The following SLC9A9 variants were observed in gnomAD, a reference collection of about 807,000 sequenced individuals.
SLC9A9 encodes the protein sodium/hydrogen exchanger 9.
Under a neutral mutation model 77.8 loss-of-function variants are expected in SLC9A9, and 62 were observed. That is an observed-to-expected ratio of 0.80 (90% CI 0.65 to 0.98). The LOEUF is 0.98. Among genes scored for constraint, SLC9A9 ranks in the 50% least tolerant of loss-of-function variants. The pLI is 0.00. For synonymous variants in SLC9A9, 320 were observed against 283.5 expected, an observed-to-expected ratio of 1.13 and a Z score of -1.29; for missense variants, 775 against 774.9, an observed-to-expected ratio of 1.00 and a Z score of 0.00.
intron 5 of SLC9A9, among the ~76,000 whole-genome samples, chr3:143,669,918 T>C (rs1315642223): frequency 6.6e-6 from 1 of 152,248 alleles, no homozygotes. Flanking sequence ...ACTGTATTGT[T>C]ATTGTTCATG....
At chr3:143,403,617 G>T (rs2033909597) in intron 12 of SLC9A9, among the ~76,000 whole-genome samples, 1 of 152,022 alleles carries the variant, frequency 6.6e-6, no homozygotes, top group South Asian at 2.1e-4. Flanking sequence ...CTGGGTATTG[G>T]CTTCTTGCTG....
At chr3:143,526,554 T>C (rs1184177036) in intron 9 of SLC9A9, among the ~76,000 whole-genome samples, 1 of 152,118 alleles carries the variant, frequency 6.6e-6, no homozygotes, top group Non-Finnish European at 1.5e-5. Context: ...GTCCCCCAAA[T>C]TGTCCCTGCC....
chr3:143,320,520 T>A lies in SLC9A9; in HGVS notation c.1604+42964A>T, dbSNP rs142119972. 2.5e-3 allele frequency among the ~76,000 whole-genome samples: 375 copies of A among 152,290 alleles called. 2 individuals carry two copies. Among genetic ancestry groups the A allele is most frequent in the African/African-American group, 5.9e-3 (245 of 41,572 alleles). On this transcript the variant is annotated intron_variant, in intron 14 of 15. Coordinates refer to ENST00000316549, the MANE Select transcript of SLC9A9 (RefSeq NM_173653.4). ...TGAGGCCTCAGGGAACTTTTACTCA[T>A]GGCAGAAGGTGAAGTGGGAACAGGC...
intron 14 of SLC9A9, among the ~76,000 whole-genome samples, chr3:143,310,496 C>T (rs1587586): frequency 0.011 from 1,733 of 151,002 alleles, 18 homozygotes; most frequent in Non-Finnish European, 0.019. Flanking sequence ...CGTGGTGTGG[C>T]CTTTACAAAA....
intron 9 of SLC9A9, among the ~76,000 whole-genome samples, chr3:143,516,640 A>G (rs957313766): frequency 1.3e-5 from 2 of 152,190 alleles, no homozygotes; most frequent in African/African-American, 4.8e-5. Flanking sequence ...TACTGATGAC[A>G]GAGTCTCCTT....
intron 8 of SLC9A9, among the ~76,000 whole-genome samples, chr3:143,560,016 G>T (rs2037053647): frequency 6.6e-6 from 1 of 152,114 alleles, no homozygotes; most frequent in Non-Finnish European, 1.5e-5. Flanking sequence ...TTAATTTACA[G>T]CTTATATCAC....
intron 12 of SLC9A9, among the ~76,000 whole-genome samples, chr3:143,418,793 G>T (rs191059668): frequency 6.6e-6 from 1 of 152,170 alleles, no homozygotes; most frequent in Non-Finnish European, 1.5e-5. Context: ...ACAGAGGCTT[G>T]ATTGTGTGAA....
At chr3:143,840,567 T>C (rs1281777006) in intron 1 of SLC9A9, among the ~76,000 whole-genome samples, 1 of 152,230 alleles carries the variant, frequency 6.6e-6, no homozygotes, top group East Asian at 1.9e-4. Context: ...CCAGGTAGGC[T>C]TGGAATATTT....
intron 8 of SLC9A9, among the ~76,000 whole-genome samples, chr3:143,556,125 A>C (rs1190814173): frequency 6.6e-6 from 1 of 152,216 alleles, no homozygotes; most frequent in African/African-American, 2.4e-5. Flanking sequence ...TACCTTATGA[A>C]AGAACATTTT....
At chr3:143,825,689 G>A (rs1191258770) in intron 2 of SLC9A9, among the ~76,000 whole-genome samples, 1 of 152,232 alleles carries the variant, frequency 6.6e-6, no homozygotes, top group African/African-American at 2.4e-5. Context: ...CCAAGCGATA[G>A]TGTCTACTTG....
intron 6 of SLC9A9, among the ~76,000 whole-genome samples, chr3:143,615,151 G>A (rs1023868109): frequency 6.6e-6 from 1 of 152,168 alleles, no homozygotes; most frequent in Non-Finnish European, 1.5e-5. Context: ...CAGACCCAGA[G>A]GCCTGTGAAT....
intron 5 of SLC9A9, among the ~76,000 whole-genome samples, chr3:143,691,530 C>A (rs1933466220): frequency 6.6e-6 from 1 of 152,096 alleles, no homozygotes; most frequent in South Asian, 2.1e-4. Flanking sequence ...TGGATCCAGA[C>A]AAAAACAGTA....
At chr3:143,785,728 C>T (rs138178839) in intron 4 of SLC9A9, among the ~76,000 whole-genome samples, 2 of 151,424 alleles carry the variant, frequency 1.3e-5, no homozygotes, top group African/African-American at 2.4e-5. Context: ...GTCACATTTA[C>T]TGTAACTTGG....
chr3:143,503,824 A>G, intron 9 of SLC9A9: 1 of 339,194 alleles, frequency 2.9e-6, no homozygotes, highest in South Asian at 2.3e-5. Context: ...TGACACAGGA[A>G]GCTTTGCTGA....
chr3:143,836,205 T>C (rs16854444), intron 1 of SLC9A9, among the ~76,000 whole-genome samples: 4,355 of 152,318 alleles, frequency 0.029, 219 homozygotes, highest in African/African-American at 0.1. Context: ...TGCATTCTGA[T>C]AGCATTTATT....
intron 4 of SLC9A9, among the ~76,000 whole-genome samples, chr3:143,694,139 A>G (rs1933559733): frequency 6.6e-6 from 1 of 152,120 alleles, no homozygotes; most frequent in Non-Finnish European, 1.5e-5. Context: ...CATCAAACCA[A>G]TAGATGGATG....
chr3:143,542,221 C>T (rs534273184), intron 9 of SLC9A9, among the ~76,000 whole-genome samples: 15 of 152,308 alleles, frequency 9.8e-5, no homozygotes, highest in African/African-American at 3.4e-4. Flanking sequence ...GAATCACCAG[C>T]TTAGCTAAGG....
intron 2 of SLC9A9, among the ~76,000 whole-genome samples, chr3:143,816,010 C>A (rs533285924): frequency 9.9e-5 from 15 of 152,148 alleles, no homozygotes; most frequent in Non-Finnish European, 1.9e-4. Context: ...AGATGTTTTT[C>A]TCTTATTTTA....
At chr3:143,721,923 G>A (rs577748635) in intron 4 of SLC9A9, among the ~76,000 whole-genome samples, 70 of 152,276 alleles carry the variant, frequency 4.6e-4, no homozygotes, top group African/African-American at 1.6e-3. Flanking sequence ...TTTTTAAACA[G>A]AAGGTGTTTA....
Sources: allele counts gnomAD v4.1 joint callset (sites outside exome capture counted in the v4.1 genomes callset), GRCh38; gene constraint gnomAD v4.1.1; transcripts MANE v1.5; gene names NCBI Gene and HGNC (gene_info 2026-07-23, HGNC 2026-07-21).